Variants in PKHD1L1 observed in about 807,000 individuals in gnomAD.
PKHD1L1 encodes the protein PKHD1 like 1.
In PKHD1L1, 434 loss-of-function variants were observed where a neutral mutation model predicts 462.9. The ratio of observed to expected loss-of-function variants is 0.94; its 90% confidence interval spans 0.87 to 1.02. The LOEUF is 1.02. Ranked by LOEUF, PKHD1L1 falls within the 50% of genes least tolerant of loss-of-function variation. PKHD1L1 has a pLI of 0.00. For missense variants in PKHD1L1, 5,202 were observed against 5,096.1 expected (o/e 1.02, Z -0.63); for synonymous variants, 1,781 against 1,750.0 (o/e 1.02, Z -0.44).
At chr8:109,390,910 T>C (rs1405289560) in intron 9 of PKHD1L1, among the ~76,000 whole-genome samples, 1 of 152,190 alleles carries the variant, frequency 6.6e-6, no homozygotes, top group Non-Finnish European at 1.5e-5. Flanking sequence ...TTGTGAAAGA[T>C]GGTAGTTATA....
chr8:109,441,273 AG>A lies in PKHD1L1; in HGVS notation c.4101del. 1 of 1,539,430 alleles carries A rather than the reference AG, an allele frequency of 6.5e-7. No individual in the cohort carries two copies. The highest frequency in any genetic ancestry group is 8.8e-7 in the Non-Finnish European group (1 of 1,136,106). ...AAAATATGCAGTATTTATTCTTTCT[AG>A]GGTCCATCCCTTGCAATGTTACATC... On this transcript the variant is annotated splice_acceptor_variant, in intron 33 of 77. Transcript: ENST00000378402. LOFTEE classifies it high-confidence loss of function.
At chr8:109,386,793 G>A (rs940456921) in intron 6 of PKHD1L1, among the ~76,000 whole-genome samples, 1 of 152,052 alleles carries the variant, frequency 6.6e-6, no homozygotes, top group Non-Finnish European at 1.5e-5. Context: ...TTCCCATAAT[G>A]AAGCCAGGAA....
chr8:109,366,147 T>C (rs1041866997), intron 2 of PKHD1L1, among the ~76,000 whole-genome samples: 3 of 152,202 alleles, frequency 2.0e-5, no homozygotes, highest in African/African-American at 7.2e-5. Context: ...CTTTTAAATC[T>C]AGCTAAAATG....
At chr8:109,507,972 C>T (rs2130978509) in intron 69 of PKHD1L1, 77 bp downstream of exon 69, 1 of 1,519,676 alleles carries the variant, frequency 6.6e-7, no homozygotes, top group Non-Finnish European at 9.0e-7. Context: ...TAATGACTTG[C>T]CTACTCAACC....
chr8:109,374,768 T>G (rs1811715239), intron 2 of PKHD1L1, among the ~76,000 whole-genome samples: 1 of 152,134 alleles, frequency 6.6e-6, no homozygotes, highest in South Asian at 2.1e-4. Context: ...GAAGCTTAGT[T>G]TGGCTGGATA....
chr8:109,503,073 A>G (rs191442581), intron 67 of PKHD1L1, among the ~76,000 whole-genome samples: 31 of 152,348 alleles, frequency 2.0e-4, no homozygotes, highest in Middle Eastern at 3.4e-3. Flanking sequence ...TGGGAGGCCA[A>G]GGAGAGTGGA....
rs560347696 is a variant in PKHD1L1 at position 109,431,547 on chromosome 8, C to T, written c.3229+1510C>T. Among the ~76,000 whole-genome samples the T allele has an allele frequency of 9.2e-5, 14 of 152,144 alleles. No homozygotes were observed. The East Asian group carries it at 1.2e-3, about 13-fold the overall frequency. The stretch of plus-strand genomic sequence containing the variant: ...TTTGTATATAACACACACACACACA[C>T]GGTAATTTTGCCAGTTTTGTAAGCT... On this transcript the variant is annotated intron_variant, in intron 27 of 77. Transcript: ENST00000378402.
intron 67 of PKHD1L1, among the ~76,000 whole-genome samples, chr8:109,503,236 C>T (rs534349353): frequency 2.7e-4 from 29 of 107,424 alleles, no homozygotes; most frequent in African/African-American, 9.6e-4. Context: ...ACCCAGGAGG[C>T]GGAGGTTGCA....
At chr8:109,502,844 G>A (rs1379355532) in intron 67 of PKHD1L1, among the ~76,000 whole-genome samples, 1 of 152,244 alleles carries the variant, frequency 6.6e-6, no homozygotes, top group Non-Finnish European at 1.5e-5. Flanking sequence ...TGAAACTTCA[G>A]AGAGCTGTGG....
chr8:109,487,516 T>C (rs1818592654), intron 59 of PKHD1L1, among the ~76,000 whole-genome samples: 1 of 138,794 alleles, frequency 7.2e-6, no homozygotes, highest in Admixed American at 7.5e-5. Flanking sequence ...AAGATCCACA[T>C]TGCAACTGAT....
intron 2 of PKHD1L1, among the ~76,000 whole-genome samples, chr8:109,377,081 G>A (rs905693403): frequency 5.9e-5 from 9 of 152,176 alleles, no homozygotes; most frequent in South Asian, 2.1e-4. Context: ...CCGAAAATGC[G>A]TAATAATTTA....
chr8:109,513,566 TTTC>T (rs1384426194), intron 71 of PKHD1L1, among the ~76,000 whole-genome samples: 1 of 152,088 alleles, frequency 6.6e-6, no homozygotes, highest in Non-Finnish European at 1.5e-5. Context: ...TCACTCAGAT[TTTC>T]TTTTCTAAGA....
chr8:109,418,902 T>C (rs970070227), intron 21 of PKHD1L1, among the ~76,000 whole-genome samples, 195 bp from the exon 22 acceptor site: 6 of 152,252 alleles, frequency 3.9e-5, no homozygotes, highest in Non-Finnish European at 7.3e-5. Context: ...TATACAATGC[T>C]AAATCTTTTA....
chr8:109,453,368 C>T (rs763852770), intron 43 of PKHD1L1, among the ~76,000 whole-genome samples: 9 of 152,126 alleles, frequency 5.9e-5, no homozygotes, highest in Non-Finnish European at 1.2e-4. Flanking sequence ...GCCTGTGAAC[C>T]TGTTTATGTT....
chr8:109,368,179 A>G (rs1811323947), intron 2 of PKHD1L1, among the ~76,000 whole-genome samples: 1 of 152,202 alleles, frequency 6.6e-6, no homozygotes, highest in Admixed American at 6.5e-5. Context: ...TTAAAAAATC[A>G]GTAAGATGGG....
At position 109,452,764 on chromosome 8, in the gene PKHD1L1, C is replaced by G. The variant is rs558403696; in HGVS notation, c.6554C>G (p.Ser2185Ter). The part of the protein sequence containing the change: ...LYVDAWSSNF[S>*]WGGKSPPEEG... ...GTTGATGCCTGGTCCTCCAATTTCT[C>G]ATGGGGGGGAAAATCTCCCCCAGAA... Residue 2185 changes from serine (S) to a stop codon, truncating the protein, a stop_gained, in exon 43 of 78, where the codon TCA becomes TGA. Transcript: ENST00000378402. LOFTEE classifies it high-confidence loss of function. 2.6e-6 allele frequency: 4 copies of G among 1,541,480 alleles called. No individual in the cohort carries two copies. The Admixed American group carries it at 8.3e-5, about 32-fold the overall frequency.
chr8:109,365,123 C>G (rs996652014), intron 2 of PKHD1L1, among the ~76,000 whole-genome samples: 1 of 152,210 alleles, frequency 6.6e-6, no homozygotes, highest in African/African-American at 2.4e-5. Context: ...GAGTACCGTA[C>G]ATGGTTCCCC....
Position 109,445,662 on chromosome 8 carries a change from C to G in PKHD1L1, c.5776+17C>G. 1 of 1,560,654 alleles carries G rather than the reference C, an allele frequency of 6.4e-7. No individual in the cohort carries two copies. Among genetic ancestry groups the G allele is most frequent in the Non-Finnish European group, 8.8e-7 (1 of 1,137,536 alleles). ...CAAGCAGAGGTACTCCAATATCTGC[C>G]TTATTATCTTGATATTATAGTATCG... On this transcript the variant is annotated intron_variant, in intron 38 of 77. Transcript: ENST00000378402.
chr8:109,454,362 T>G (rs762914839), intron 44 of PKHD1L1, 116 bp downstream of exon 44: 99 of 727,784 alleles, frequency 1.4e-4, no homozygotes, highest in Non-Finnish European at 2.0e-4. Flanking sequence ...TTATCTTTGT[T>G]TAGGTCTCTG....
Sources: allele counts gnomAD v4.1 joint callset (sites outside exome capture counted in the v4.1 genomes callset), GRCh38; gene constraint gnomAD v4.1.1; transcripts MANE v1.5; gene names NCBI Gene and HGNC (gene_info 2026-07-23, HGNC 2026-07-21).